Variants in WTIP observed in about 807,000 individuals in gnomAD.
WTIP encodes WT1 interacting protein.
WTIP carries 23 observed loss-of-function variants against 41.7 expected under a neutral mutation model. The observed-to-expected ratio is 0.55, with a 90% CI of 0.40 to 0.78. WTIP has a LOEUF of 0.78. Among genes scored for constraint, WTIP ranks in the 30% least tolerant of loss-of-function variants. WTIP has a pLI of 0.00. For synonymous variants in WTIP, 314 were observed against 269.9 expected (o/e 1.16, Z -1.60); for missense variants, 619 against 610.5 (o/e 1.01, Z -0.15).
chr19:34,500,254 C>T lies in WTIP; in HGVS notation c.1278C>T (p.His426=). 1.2e-6 allele frequency: 2 copies of T among 1,608,062 alleles called. No individual in the cohort carries two copies. Among genetic ancestry groups the T allele is most frequent in the Non-Finnish European group, 1.7e-6 (2 of 1,179,230 alleles). ...QPGPLPSPTV[H]VTEL The stretch of plus-strand genomic sequence containing the variant: ...GGCCTCTTCCCTCACCCACTGTGCA[C>T]GTCACTGAGCTCTGAGCAGGGGAAA... The change falls in exon 8 of 8, where the codon CAC becomes CAT. Residue 426 remains histidine, a synonymous_variant. Coordinates refer to ENST00000590071, the MANE Select transcript of WTIP (RefSeq NM_001080436.2).
intron 1 of WTIP, among the ~76,000 whole-genome samples, chr19:34,489,131 G>T (rs2075812556): frequency 6.7e-6 from 1 of 149,570 alleles, no homozygotes; most frequent in Admixed American, 6.7e-5. Context: ...CCTGGGTGGT[G>T]GAGGTTGCAG....
rs968076418 is a variant in WTIP at position 34,501,066 on chromosome 19, G to A, written c.*797G>A. 4 of 152,696 alleles carry A rather than the reference G, an allele frequency of 2.6e-5. No individual in the cohort carries two copies. The highest frequency in any genetic ancestry group is 9.6e-5 in the African/African-American group (4 of 41,474). The allele number at this position is 152,696 out of a possible 1,614,324, so 9.5% of individuals were successfully genotyped here. The stretch of plus-strand genomic sequence containing the variant: ...ACGCTTCAGGAAAGCCTGTGTCTGC[G>A]CGCGGGGCAAGGGGCTCCACGACAA... On this transcript the variant is annotated 3_prime_UTR_variant, in exon 8 of 8. Transcript: ENST00000590071.
intron 7 of WTIP, among the ~76,000 whole-genome samples, chr19:34,496,633 G>A (rs988351499): frequency 8.7e-5 from 13 of 148,998 alleles, no homozygotes; most frequent in South Asian, 2.2e-4. Flanking sequence ...TGGTTAGGCC[G>A]TAGAAAGGAC....
chr19:34,505,717 A>C lies in WTIP; in HGVS notation c.*5448A>C, dbSNP rs1358486912. 3 of 152,588 alleles carry C rather than the reference A, an allele frequency of 2.0e-5. No individual in the cohort carries two copies. Among genetic ancestry groups the C allele is most frequent in the Admixed American group, 6.5e-5 (1 of 15,296 alleles). 9.5% of individuals were successfully genotyped at this position (152,588 alleles called of 1,614,324 possible). A position where few individuals can be genotyped will look rare whatever the true frequency, so the allele number is the denominator to read the frequency against. ...TGCCATTGGGACCTGTCACAGGCAC[A>C]CAGGACACAGCTGGCTCACCCTCTT... On this transcript the variant is annotated 3_prime_UTR_variant, in exon 8 of 8. Coordinates refer to ENST00000590071, the MANE Select transcript of WTIP (RefSeq NM_001080436.2).
intron 1 of WTIP, among the ~76,000 whole-genome samples, chr19:34,488,537 A>T (rs1450994475): frequency 1.4e-5 from 2 of 143,016 alleles, no homozygotes; most frequent in Non-Finnish European, 2.9e-5. Context: ...GGATATTTTT[A>T]AAAATTTTTG....
In WTIP at chr19:34,506,476, G is replaced by A. The variant is rs1424136039; in HGVS notation, c.*6207G>A. On this transcript the variant is annotated 3_prime_UTR_variant, in exon 8 of 8. Coordinates refer to ENST00000590071, the MANE Select transcript of WTIP (RefSeq NM_001080436.2). ...TAGGGTTTAATAAAACTAGTTAACA[G>A]CCAGGCACGGTGGTTCACGCCTGTA... The A allele has an allele frequency of 6.6e-6, 1 of 152,238 alleles. No individual in the cohort carries two copies. Among genetic ancestry groups the A allele is most frequent in the African/African-American group, 2.4e-5 (1 of 41,446 alleles). The allele number at this position is 152,238 out of a possible 1,614,324, so 9.4% of individuals were successfully genotyped here.
intron 1 of WTIP, among the ~76,000 whole-genome samples, chr19:34,485,410 C>T (rs2075792326): frequency 6.6e-6 from 1 of 152,090 alleles, no homozygotes; most frequent in African/African-American, 2.4e-5. Context: ...AAAATATGGG[C>T]AACTATTTGT....
At position 34,509,911 on chromosome 19, in the gene WTIP, A is replaced by G. The variant is rs1192611574; in HGVS notation, c.*9642A>G. On this transcript the variant is annotated 3_prime_UTR_variant, in exon 8 of 8. Transcript: ENST00000590071. ...TCCTTTGACTCCATGTCTCATATCC[A>G]AGTCACAGTGATGCAAGAGGTGTGT... 7 of 152,180 alleles carry G rather than the reference A, an allele frequency of 4.6e-5. No homozygotes were observed. Among genetic ancestry groups the G allele is most frequent in the African/African-American group, 1.7e-4 (7 of 41,430 alleles). 9.4% of individuals were successfully genotyped at this position (152,180 alleles called of 1,614,324 possible).
intron 2 of WTIP, among the ~76,000 whole-genome samples, 189 bp downstream of exon 2, chr19:34,490,666 C>T (rs905883467): frequency 6.6e-6 from 1 of 152,198 alleles, no homozygotes; most frequent in Non-Finnish European, 1.5e-5. Context: ...GGCTGTAGGA[C>T]AGGGCTGCCC....
At chr19:34,491,714 G>T (rs1199026593) in intron 2 of WTIP, among the ~76,000 whole-genome samples, 1 of 147,440 alleles carries the variant, frequency 6.8e-6, no homozygotes, top group Non-Finnish European at 1.5e-5. Context: ...GCGAGATCTC[G>T]GCTCACTGCC....
intron 1 of WTIP, among the ~76,000 whole-genome samples, chr19:34,483,204 T>G (rs1415821975): frequency 3.7e-5 from 3 of 80,982 alleles, no homozygotes; most frequent in African/African-American, 1.3e-4. Context: ...TTTTTTTTTT[T>G]GTAGAGACAG....
At chr19:34,487,613 C>T (rs77560645) in intron 1 of WTIP, among the ~76,000 whole-genome samples, 20,257 of 152,166 alleles carry the variant, frequency 0.13, 1,838 homozygotes, top group Non-Finnish European at 0.2. Flanking sequence ...TAGATGGGGA[C>T]GGCTAGGAGA....
chr19:34,499,986 C>T (rs2075875679), intron 7 of WTIP, 143 bp from the exon 8 acceptor site: 1 of 1,231,498 alleles, frequency 8.1e-7, no homozygotes. Context: ...CAGGTGTGAG[C>T]CCCTGCGCCC....
chr19:34,482,945 G>A (rs1050465033), intron 1 of WTIP, among the ~76,000 whole-genome samples: 5 of 151,832 alleles, frequency 3.3e-5, no homozygotes, highest in African/African-American at 1.2e-4. Flanking sequence ...CAGGTTCATG[G>A]GCACACTGAG....
chr19:34,481,998 G>T lies in WTIP; in HGVS notation c.24G>T (p.Ala8=). 1 of 1,015,832 alleles carries T rather than the reference G, an allele frequency of 9.8e-7. No homozygotes were observed. 62.9% of individuals were successfully genotyped at this position (1,015,832 alleles called of 1,614,324 possible). A position where few individuals can be genotyped will look rare whatever the true frequency, so the allele number is the denominator to read the frequency against. Residue 8 remains alanine (A), a synonymous_variant, in exon 1 of 8, where the codon GCG becomes GCT. Transcript: ENST00000590071. ...CCATGCAGCGCTCCAGGGCGGGCGC[G>T]GACGAGGCGGCCCTACTCCTGGCCG... The part of the protein sequence containing the change: MQRSRAG[A]DEAALLLAGL...
In WTIP at chr19:34,493,180, A is replaced by ACCTGAGG; in HGVS notation, c.837+79_838-74dup. 6.2e-7 allele frequency: 1 copy of ACCTGAGG among 1,612,366 alleles called. No homozygotes were observed. The highest frequency in any genetic ancestry group is 8.5e-7 in the Non-Finnish European group (1 of 1,178,640). On this transcript the variant is annotated intron_variant, in intron 3 of 7. Transcript: ENST00000590071. The surrounding 1 kb of genome is among the most constrained non-coding windows in gnomAD (Gnocchi z 4.1). ...GACCCTCATTCTGACTCGAGTGGAG[A>ACCTGAGG]CCTGAGGCCAGGAGGCAGGTGCTAG...
intron 1 of WTIP, among the ~76,000 whole-genome samples, chr19:34,488,321 A>G (rs1289585280): frequency 1.3e-5 from 2 of 151,130 alleles, no homozygotes; most frequent in Non-Finnish European, 2.9e-5. Flanking sequence ...TGATCCACCC[A>G]CCTCGGCCTC....
Position 34,508,687 on chromosome 19 carries a change from C to T in WTIP, c.*8418C>T, listed in dbSNP as rs1318217125. On this transcript the variant is annotated 3_prime_UTR_variant, in exon 8 of 8. Coordinates refer to ENST00000590071, the MANE Select transcript of WTIP (RefSeq NM_001080436.2). ...GCTGTGTCCCTCCGCTCCCGCCAGG[C>T]CTCTCCCCCTGCCTTCTGGGACTGG... The T allele has an allele frequency of 6.6e-6, 1 of 152,382 alleles. No individual in the cohort carries two copies. The highest frequency in any genetic ancestry group is 1.9e-4 in the East Asian group (1 of 5,172). The allele number at this position is 152,382 out of a possible 1,614,324, so 9.4% of individuals were successfully genotyped here. A position where few individuals can be genotyped will look rare whatever the true frequency, so the allele number is the denominator to read the frequency against.
At position 34,507,055 on chromosome 19, in the gene WTIP, C is replaced by G. The variant is rs2075914840; in HGVS notation, c.*6786C>G. The G allele has an allele frequency of 6.6e-6, 1 of 151,848 alleles. No homozygotes were observed. Among genetic ancestry groups the G allele is most frequent in the African/African-American group, 2.4e-5 (1 of 41,308 alleles). 9.4% of individuals were successfully genotyped at this position (151,848 alleles called of 1,614,324 possible). A position where few individuals can be genotyped will look rare whatever the true frequency, so the allele number is the denominator to read the frequency against. ...TGACCAATATGGAGAAACCCTGTCT[C>G]TACTAAAAATACAAAATTTTTAGCC... On this transcript the variant is annotated 3_prime_UTR_variant, in exon 8 of 8. Transcript: ENST00000590071.
Sources: allele counts gnomAD v4.1 joint callset (sites outside exome capture counted in the v4.1 genomes callset), GRCh38; gene constraint gnomAD v4.1.1; non-coding constraint Gnocchi (gnomAD v3.1); transcripts MANE v1.5; gene names NCBI Gene and HGNC (gene_info 2026-07-23, HGNC 2026-07-21).